CCDC33: variants seen among roughly 807,000 people sequenced by gnomAD.
CCDC33 encodes the protein coiled-coil domain-containing protein 33.
Under a neutral mutation model 91.9 loss-of-function variants are expected in CCDC33, and 94 were observed. That is an observed-to-expected ratio of 1.02 (90% CI 0.87 to 1.21). The LOEUF (loss-of-function observed/expected upper bound fraction) is 1.21. Among genes scored for constraint, CCDC33 ranks in the 50% most tolerant of loss-of-function variants. CCDC33 has a pLI of 0.00. For synonymous variants in CCDC33, 396 were observed against 374.5 expected, an observed-to-expected ratio of 1.06 and a Z score of -0.66; for missense variants, 940 against 935.5, an observed-to-expected ratio of 1.00 and a Z score of -0.06.
chr15:74,332,219 C>A (rs1355433414), intron 15 of CCDC33, among the ~76,000 whole-genome samples: 4 of 152,124 alleles, frequency 2.6e-5, no homozygotes, highest in Non-Finnish European at 5.9e-5. Flanking sequence ...GTGTGCCCAG[C>A]CCTGTGCTTA....
intron 12 of CCDC33, 92 bp downstream of exon 12, chr15:74,330,446 A>C (rs557730117): frequency 7.3e-7 from 1 of 1,371,908 alleles, no homozygotes; most frequent in Middle Eastern, 2.6e-4. Context: ...CTTCTCCCAG[A>C]TGTGCATGCT....
chr15:74,286,018 C>T (rs1001625021), intron 10 of CCDC33, among the ~76,000 whole-genome samples: 4 of 152,070 alleles, frequency 2.6e-5, no homozygotes, highest in South Asian at 2.1e-4. Flanking sequence ...GAGTCTGAGG[C>T]GGGCGGATCA....
At chr15:74,269,954 C>T (rs2076270245) in intron 5 of CCDC33, among the ~76,000 whole-genome samples, 1 of 152,200 alleles carries the variant, frequency 6.6e-6, no homozygotes, top group African/African-American at 2.4e-5. Flanking sequence ...CCACCACCCC[C>T]TTTTTAGTCT....
At chr15:74,327,387 C>T (rs925706642) in intron 11 of CCDC33, among the ~76,000 whole-genome samples, 1 of 152,196 alleles carries the variant, frequency 6.6e-6, no homozygotes, top group African/African-American at 2.4e-5. Flanking sequence ...CTAATCTCAG[C>T]ACTTTGGGAG....
At chr15:74,335,326 G>T in intron 18 of CCDC33, 1 of 607,974 alleles carries the variant, frequency 1.6e-6, no homozygotes, top group Non-Finnish European at 2.9e-6. Context: ...CCCCCATGGG[G>T]TGCTGTGAAA....
intron 4 of CCDC33, among the ~76,000 whole-genome samples, chr15:74,267,355 TG>T (rs1022799012): frequency 6.6e-6 from 1 of 152,190 alleles, no homozygotes. Flanking sequence ...CCAGGAGAGT[TG>T]GGGGGTACAT....
chr15:74,280,565 G>A, intron 8 of CCDC33, 103 bp from the exon 9 acceptor site: 1 of 1,348,566 alleles, frequency 7.4e-7, no homozygotes, highest in Non-Finnish European at 9.8e-7. Flanking sequence ...CCAGGAGGCA[G>A]GAAAGCAGGC....
intron 11 of CCDC33, among the ~76,000 whole-genome samples, chr15:74,317,447 A>G (rs1596107017): frequency 6.6e-6 from 1 of 152,240 alleles, no homozygotes; most frequent in East Asian, 1.9e-4. Flanking sequence ...CCTCCACAAC[A>G]CCGGCAGAAG....
intron 2 of CCDC33, among the ~76,000 whole-genome samples, chr15:74,252,046 G>T (rs1444337977): frequency 6.6e-6 from 1 of 152,082 alleles, no homozygotes; most frequent in Non-Finnish European, 1.5e-5. Flanking sequence ...GCATTTCCAT[G>T]ACTTGCCCAA....
chr15:74,205,441 T>A (rs1282962482), intron 1 of CCDC33, among the ~76,000 whole-genome samples: 2 of 152,058 alleles, frequency 1.3e-5, no homozygotes, highest in African/African-American at 4.8e-5. Flanking sequence ...GCAGGAGAGA[T>A]GCCAGGCACT....
chr15:74,275,119 A>G (rs914580927), intron 7 of CCDC33, among the ~76,000 whole-genome samples: 9 of 152,068 alleles, frequency 5.9e-5, no homozygotes, highest in African/African-American at 2.2e-4. Context: ...GTGGGATTGG[A>G]CTTGGTAATT....
intron 5 of CCDC33, among the ~76,000 whole-genome samples, chr15:74,269,192 A>T (rs913577878): frequency 6.6e-6 from 1 of 152,048 alleles, no homozygotes; most frequent in Non-Finnish European, 1.5e-5. Flanking sequence ...CAAACTGCCC[A>T]TGGGTGACAG....
At position 74,280,081 on chromosome 15, in the gene CCDC33, C is replaced by A. The variant is rs1407227494; in HGVS notation, c.878C>A (p.Ser293Tyr). 6.2e-7 allele frequency: 1 copy of A among 1,614,060 alleles called. No homozygotes were observed. Among genetic ancestry groups the A allele is most frequent in the Non-Finnish European group, 8.5e-7 (1 of 1,179,948 alleles). The change falls in exon 8 of 19, where the codon TCC becomes TAC. Residue 293 changes from serine (S) to tyrosine (Y), a missense_variant. Physicochemically the swap from Ser to Tyr is moderately radical, Grantham distance 144. Transcript: ENST00000398814. ...ACAGCCCTGGTGCTGGAGTACTACTCCTCAACTTCAAGTACGTGACCCCTG... is the reference window on the plus strand; with the variant it reads ...ACAGCCCTGGTGCTGGAGTACTACTACTCAACTTCAAGTACGTGACCCCTG... ...EDTALVLEYY[S>Y]STSMKGSQPW...
intron 10 of CCDC33, among the ~76,000 whole-genome samples, chr15:74,285,255 C>T (rs1165808516): frequency 6.6e-6 from 1 of 152,128 alleles, no homozygotes; most frequent in Non-Finnish European, 1.5e-5. Flanking sequence ...GATAATTGGA[C>T]ATTTTGGTGA....
At chr15:74,271,596 C>A in intron 5 of CCDC33, 107 bp from the exon 6 acceptor site, 1 of 748,966 alleles carries the variant, frequency 1.3e-6, no homozygotes, top group South Asian at 1.6e-5. Context: ...TGGAGGCAGC[C>A]ATGAGCTCAC....
rs978665180 is a variant in CCDC33, at chr15:74,209,420, A to T, written n.122A>T. The T allele has an allele frequency of 7.8e-6, 12 of 1,535,488 alleles. No homozygotes were observed. In the African/African-American group the frequency reaches 1.1e-4, roughly 14 times the overall value. ...CTGCCTGATGAATTGCCAGAGGGGA[A>T]CCACCAGCTCGGCTCTTAATAACCG... On this transcript the variant is annotated non_coding_transcript_exon_variant, in exon 2 of 4. Coordinates refer to the CCDC33 transcript ENST00000558645.
At chr15:74,209,825 C>G (rs778828938) in intron 2 of CCDC33, 1 of 186,716 alleles carries the variant, frequency 5.4e-6, no homozygotes, top group Non-Finnish European at 1.1e-5. Flanking sequence ...GCAAGCAGGG[C>G]AGGGAGAGAG....
At chr15:74,329,978 A>G (rs2060392493) in intron 11 of CCDC33, among the ~76,000 whole-genome samples, 2 of 152,164 alleles carry the variant, frequency 1.3e-5, no homozygotes, top group South Asian at 4.1e-4. Context: ...GGGAGAGAAC[A>G]TTAGTGTGGC....
At chr15:74,259,197 G>C (rs534020284) in intron 2 of CCDC33, among the ~76,000 whole-genome samples, 16 of 152,122 alleles carry the variant, frequency 1.1e-4, no homozygotes, top group East Asian at 9.7e-4. Context: ...CAGGTCTTTG[G>C]GGGGACAGGG....
Sources: gnomAD v4.1 joint callset for allele counts (sites outside exome capture counted in the v4.1 genomes callset) on GRCh38, gnomAD v4.1.1 for gene constraint, MANE v1.5 for transcripts, NCBI Gene and HGNC (gene_info 2026-07-23, HGNC 2026-07-21) for gene names.